The following UGT1A6 variants were observed in gnomAD, a reference collection of about 807,000 sequenced individuals.
UGT1A6 encodes UDP-glucuronosyltransferase 1A6.
A neutral mutation model predicts 44.4 loss-of-function variants in UGT1A6; 32 were observed. The ratio of observed to expected loss-of-function variants is 0.72; its 90% CI spans 0.54 to 0.97. The LOEUF is 0.97. Among genes scored for constraint, UGT1A6 ranks in the 50% least tolerant of loss-of-function variants. The probability of loss-of-function intolerance (pLI) is 0.00; values close to 1 mark genes in which losing one functional copy is unlikely to be tolerated. For missense variants in UGT1A6, 685 were observed against 661.9 expected (o/e 1.03, Z -0.38); for synonymous variants, 238 against 248.5 (o/e 0.96, Z 0.40).
chr2:233,730,543 T>G (rs1559376026), intron 1 of UGT1A6, among the ~76,000 whole-genome samples: 2 of 152,132 alleles, frequency 1.3e-5, no homozygotes, highest in African/African-American at 2.4e-5. Flanking sequence ...GGGATGGATG[T>G]CTGTGATTAG....
In UGT1A6 at chr2:233,719,788, G is replaced by T. The variant is rs184331208; in HGVS notation, c.861+25923G>T. 800 of 1,609,458 alleles carry T rather than the reference G, an allele frequency of 5.0e-4. 15 individuals are homozygous for T. The East Asian group carries it at 0.012, about 25-fold the overall frequency. On this transcript the variant is annotated intron_variant, in intron 1 of 4. Transcript: ENST00000305139. ...TTCCATATCTACTTATCTTTCCAAA[G>T]ATTTTATTTTGGCTTCTTTATAACA...
chr2:233,768,949 T>G (rs973201287), intron 4 of UGT1A6, among the ~76,000 whole-genome samples: 26 of 152,212 alleles, frequency 1.7e-4, no homozygotes, highest in Admixed American at 1.5e-3. Context: ...TTAGTTTCTA[T>G]ATAATTTATC....
intron 1 of UGT1A6, among the ~76,000 whole-genome samples, chr2:233,727,735 C>A (rs1040217488): frequency 1.3e-5 from 2 of 152,208 alleles, no homozygotes; most frequent in Non-Finnish European, 2.9e-5. Flanking sequence ...CTTTTCTGTG[C>A]CATCCTGCGT....
At position 233,769,460 on chromosome 2, in the gene UGT1A6, TATGC is replaced by T. The variant is rs1219729658; in HGVS notation, c.1301+1022_1301+1025del. ...GTGTGGGTGCACACGTGTGCATTCA[TATGC>T]GTGTGTGTGTGTGTGCGTGTGTTTA... On this transcript the variant is annotated intron_variant, in intron 4 of 4. Coordinates refer to ENST00000305139, the MANE Select transcript of UGT1A6 (RefSeq NM_001072.4). The surrounding 1 kb of genome is among the most constrained non-coding windows in gnomAD (Gnocchi z 4.4). 1.1e-5 allele frequency: 17 copies of T among 1,601,706 alleles called. No homozygotes were observed. Among genetic ancestry groups the T allele is most frequent in the Non-Finnish European group, 1.3e-5 (15 of 1,170,686 alleles).
chr2:233,738,999 G>A (rs907486973), intron 1 of UGT1A6: 14 of 152,246 alleles, frequency 9.2e-5, no homozygotes, highest in African/African-American at 2.7e-4. Flanking sequence ...TTGGTGCCCT[G>A]TGTCCCAGTG....
chr2:233,712,762 A>G (rs934056553), intron 1 of UGT1A6, among the ~76,000 whole-genome samples: 48 of 152,180 alleles, frequency 3.2e-4, no homozygotes, highest in Admixed American at 2.4e-3. Flanking sequence ...AGCGAGCGCA[A>G]GGTCAGATGA....
At position 233,769,677 on chromosome 2, in the gene UGT1A6, G is replaced by A; in HGVS notation, c.1301+1238G>A. 6.3e-6 allele frequency: 10 copies of A among 1,577,312 alleles called. No homozygotes were observed. Among genetic ancestry groups the A allele is most frequent in the Non-Finnish European group, 8.6e-6 (10 of 1,161,616 alleles). ...TCCCACCTTTGAGGTGCTAATGTGT[G>A]TGTGGTGGCACTGGATAAAAGATCA... On this transcript the variant is annotated intron_variant, in intron 4 of 4. Transcript: ENST00000305139. The surrounding 1 kb of genome is among the most constrained non-coding windows in gnomAD (Gnocchi z 4.4).
At chr2:233,707,169 T>A (rs1186198629) in intron 1 of UGT1A6, among the ~76,000 whole-genome samples, 1 of 152,126 alleles carries the variant, frequency 6.6e-6, no homozygotes, top group East Asian at 1.9e-4. Flanking sequence ...CACCCAGACA[T>A]CCATCCTGGG....
Position 233,768,375 on chromosome 2 carries a change from A to C in UGT1A6, c.1237A>C (p.Asn413His). The change falls in exon 4 of 5, where the codon AAT becomes CAT. Residue 413 changes from asparagine to histidine, a missense_variant. Transcript: ENST00000305139. ...GACTAAGGGAGCTGGAGTGACCCTG[A>C]ATGTTCTGGAAATGACTTCTGAAGA... ...METKGAGVTL[N>H]VLEMTSEDLE... 1 of 1,614,190 alleles carries C rather than the reference A, an allele frequency of 6.2e-7. No individual in the cohort carries two copies. Among genetic ancestry groups the C allele is most frequent in the African/African-American group, 1.3e-5 (1 of 75,044 alleles).
rs1457115854 is a variant in UGT1A6, at chr2:233,724,955, G to A, written c.861+31090G>A. The stretch of plus-strand genomic sequence containing the variant: ...ACTCCGTCTGCAATCCCGGCACCTC[G>A]GGAGGCCGAGGTTGGCGGATCACTC... On this transcript the variant is annotated intron_variant, in intron 1 of 4. Coordinates refer to ENST00000305139, the MANE Select transcript of UGT1A6 (RefSeq NM_001072.4). Among the ~76,000 whole-genome samples the A allele has an allele frequency of 3.5e-5, 5 of 143,484 alleles. 1 individual carries two copies. The highest frequency in any genetic ancestry group is 2.1e-4 in the East Asian group (1 of 4,762). The allele number at this position is 143,484 out of a possible 152,430, so 94.1% of individuals were successfully genotyped here.
At chr2:233,738,243 A>G (rs57963849) in intron 1 of UGT1A6, among the ~76,000 whole-genome samples, 4 of 152,190 alleles carry the variant, frequency 2.6e-5, no homozygotes, top group Non-Finnish European at 5.9e-5. Context: ...CTCCAGCCAC[A>G]TGGAACTGGA....
chr2:233,694,499 A>G (rs1315589494), intron 1 of UGT1A6, among the ~76,000 whole-genome samples: 1 of 152,222 alleles, frequency 6.6e-6, no homozygotes, highest in African/African-American at 2.4e-5. Flanking sequence ...GTGTTTACAG[A>G]TGCCCTCCTG....
intron 1 of UGT1A6, chr2:233,729,807 T>C: frequency 6.2e-7 from 1 of 1,613,974 alleles, no homozygotes; most frequent in Non-Finnish European, 8.5e-7. Context: ...GCCATGCTTT[T>C]TCTGCTCCTT....
intron 1 of UGT1A6, chr2:233,760,411 A>G (rs1575771994): frequency 6.2e-7 from 1 of 1,614,192 alleles, no homozygotes; most frequent in Non-Finnish European, 8.5e-7. Context: ...CCACTGGCTG[A>G]GCATGCTTGG....
At position 233,769,321 on chromosome 2, in the gene UGT1A6, T is replaced by C. The variant is rs571873884; in HGVS notation, c.1301+882T>C. Among the ~76,000 whole-genome samples, 2 of 152,374 alleles carry C rather than the reference T, an allele frequency of 1.3e-5. No individual in the cohort carries two copies. The highest frequency in any genetic ancestry group is 4.1e-4 in the South Asian group (2 of 4,830). ...AGTATATTACTGTCAAGCTCACTGG[T>C]AATAGGCTTATTAGAACCTTATGGG... On this transcript the variant is annotated intron_variant, in intron 4 of 4. Coordinates refer to ENST00000305139, the MANE Select transcript of UGT1A6 (RefSeq NM_001072.4). The surrounding 1 kb of genome is among the most constrained non-coding windows in gnomAD (Gnocchi z 4.4).
At chr2:233,738,209 A>G (rs1479952122) in intron 1 of UGT1A6, among the ~76,000 whole-genome samples, 2 of 152,090 alleles carry the variant, frequency 1.3e-5, no homozygotes, top group Admixed American at 6.5e-5. Flanking sequence ...ACTTTCTGCC[A>G]GGATTATAAG....
At chr2:233,722,254 C>T (rs12479208) in intron 1 of UGT1A6, among the ~76,000 whole-genome samples, 12,149 of 152,210 alleles carry the variant, frequency 0.08, 621 homozygotes, top group East Asian at 0.2. Flanking sequence ...GTGACAGACA[C>T]GCCATTATCA....
At chr2:233,720,720 T>C (rs79066052) in intron 1 of UGT1A6, among the ~76,000 whole-genome samples, 5 of 150,478 alleles carry the variant, frequency 3.3e-5, no homozygotes, top group Non-Finnish European at 7.4e-5. Flanking sequence ...TTTTTTTTTT[T>C]CTTGAGACTG....
intron 1 of UGT1A6, chr2:233,753,490 A>G (rs1695218587): frequency 6.6e-6 from 1 of 152,190 alleles, no homozygotes. Flanking sequence ...GCTGCTCTTA[A>G]TTTTTTTCAG....
Sources: gnomAD v4.1 joint callset for allele counts (sites outside exome capture counted in the v4.1 genomes callset) on GRCh38, gnomAD v4.1.1 for gene constraint, Gnocchi (gnomAD v3.1) non-coding constraint, MANE v1.5 for transcripts, NCBI Gene and HGNC (gene_info 2026-07-23, HGNC 2026-07-21) for gene names.